Variants in AFF1 observed in about 807,000 individuals in gnomAD.
AFF1 encodes AF4/FMR2 family member 1.
In AFF1, 48 loss-of-function variants were observed where a neutral mutation model predicts 121.7. The observed-to-expected ratio is 0.39, with a 90% CI of 0.31 to 0.50. AFF1 has a LOEUF of 0.50. AFF1 is among the 20% of genes least tolerant of loss of function. AFF1 has a pLI of 0.76. For synonymous variants in AFF1, 613 were observed against 563.0 expected (o/e 1.09, Z -1.26); for missense variants, 1,523 against 1,511.7 (o/e 1.01, Z -0.12).
intron 2 of AFF1, among the ~76,000 whole-genome samples, chr4:86,978,095 T>C (rs1439163845): frequency 6.6e-6 from 1 of 151,006 alleles, no homozygotes; most frequent in Non-Finnish European, 1.5e-5. Flanking sequence ...AGCATAATTA[T>C]TTCAATCAAA....
In AFF1 at chr4:87,036,886, G is replaced by GC. The variant is rs1729624339; in HGVS notation, c.39-9279dup. ...CTTGCTCCATCGCTGAGGCTGGAGT[G>GC]CAGGGTGTGACCTGGGCTCGCTGTA... On this transcript the variant is annotated intron_variant, in intron 2 of 20. Coordinates refer to ENST00000395146, the MANE Select transcript of AFF1 (RefSeq NM_001166693.3). 3.1e-5 allele frequency: 14 copies of GC among 455,724 alleles called. No homozygotes were observed. The Admixed American group carries it at 3.3e-4, about 11-fold the overall frequency. The allele number at this position is 455,724 out of a possible 1,614,324, so 28.2% of individuals were successfully genotyped here.
At chr4:86,968,939 A>G (rs748868803) in intron 2 of AFF1, among the ~76,000 whole-genome samples, 4 of 152,204 alleles carry the variant, frequency 2.6e-5, no homozygotes, top group Non-Finnish European at 4.4e-5. Context: ...AGTGGGCCCC[A>G]GAGTCATCTC....
intron 4 of AFF1, among the ~76,000 whole-genome samples, chr4:87,076,562 T>C (rs1197931169): frequency 6.6e-6 from 1 of 152,252 alleles, no homozygotes; most frequent in African/African-American, 2.4e-5. Flanking sequence ...CTTAATGTAA[T>C]AATACTTTAT....
rs549866000 is a variant in AFF1, at chr4:87,054,746, T to C, written c.1059+7152T>C. The stretch of plus-strand genomic sequence containing the variant: ...CACCTGCACTTCAGAGGCCAAATTT[T>C]AAACCTGAAAAGATCTAAATATAGA... On this transcript the variant is annotated intron_variant, in intron 4 of 20. Transcript: ENST00000395146. Among the ~76,000 whole-genome samples the C allele has an allele frequency of 3.4e-3, 511 of 152,308 alleles. 6 individuals carry two copies. Among genetic ancestry groups the C allele is most frequent in the African/African-American group, 0.012 (488 of 41,564 alleles).
chr4:87,115,859 C>T (rs1727071288), intron 12 of AFF1, among the ~76,000 whole-genome samples: 1 of 152,046 alleles, frequency 6.6e-6, no homozygotes, highest in Non-Finnish European at 1.5e-5. Flanking sequence ...TATCCACCCG[C>T]CTCTGCCTCT....
At chr4:87,046,144 T>C (rs1240196130) in intron 2 of AFF1, 22 bp from the exon 3 acceptor site, 1 of 1,606,352 alleles carries the variant, frequency 6.2e-7, no homozygotes, top group Non-Finnish European at 8.5e-7. Context: ...TTGTTTTCAT[T>C]CTTTTGTGGC....
chr4:87,116,453 G>A (rs1452397797), intron 12 of AFF1, among the ~76,000 whole-genome samples: 1 of 152,112 alleles, frequency 6.6e-6, no homozygotes, highest in Non-Finnish European at 1.5e-5. Flanking sequence ...GTCACAAGAA[G>A]GGCCAACTCT....
At chr4:86,987,583 A>G (rs1466271835) in intron 2 of AFF1, among the ~76,000 whole-genome samples, 1 of 152,236 alleles carries the variant, frequency 6.6e-6, no homozygotes, top group Non-Finnish European at 1.5e-5. Context: ...TGTGGAAACC[A>G]GAAGCAATAA....
At chr4:86,973,704 C>T (rs1488283893) in intron 2 of AFF1, 4 of 152,130 alleles carry the variant, frequency 2.6e-5, no homozygotes, top group South Asian at 2.1e-4. Flanking sequence ...CCAGAGTTAA[C>T]GTTTTCTTTC....
chr4:86,996,202 C>A (rs1385076632), intron 2 of AFF1, among the ~76,000 whole-genome samples: 1 of 152,202 alleles, frequency 6.6e-6, no homozygotes, highest in African/African-American at 2.4e-5. Context: ...CTCTGCCTGG[C>A]CACCACCCCG....
At chr4:87,118,347 T>C (rs1727333624) in intron 12 of AFF1, among the ~76,000 whole-genome samples, 1 of 152,144 alleles carries the variant, frequency 6.6e-6, no homozygotes, top group African/African-American at 2.4e-5. Flanking sequence ...TAAGGAACAA[T>C]GCATGAGGAA....
chr4:87,031,439 GT>G (rs796554313), intron 2 of AFF1, among the ~76,000 whole-genome samples: 2,013 of 140,706 alleles, frequency 0.014, 46 homozygotes, highest in African/African-American at 0.045. Flanking sequence ...CTTAGCATAT[GT>G]TTTTTTTTTT....
intron 5 of AFF1, among the ~76,000 whole-genome samples, chr4:87,089,281 G>C (rs1279144638): frequency 6.6e-6 from 1 of 152,140 alleles, no homozygotes; most frequent in African/African-American, 2.4e-5. Context: ...TTTTCAACAA[G>C]TATTTTTAGA....
intron 2 of AFF1, among the ~76,000 whole-genome samples, chr4:87,037,017 G>A (rs948943276): frequency 1.3e-5 from 2 of 152,152 alleles, no homozygotes; most frequent in Admixed American, 6.6e-5. Flanking sequence ...TCTGCTTTAC[G>A]CAGATGGATC....
intron 1 of AFF1, among the ~76,000 whole-genome samples, chr4:86,945,024 A>G (rs1381002301): frequency 6.6e-6 from 1 of 152,264 alleles, no homozygotes; most frequent in East Asian, 1.9e-4. Context: ...CATTCCTGCC[A>G]TGGAACATTC....
chr4:86,990,158 A>T (rs1724584999), intron 2 of AFF1, among the ~76,000 whole-genome samples: 1 of 105,290 alleles, frequency 9.5e-6, no homozygotes, highest in Non-Finnish European at 2.2e-5. Flanking sequence ...GTATTCCAGA[A>T]CTTAAATTAT....
At chr4:87,058,166 T>C (rs1720348494) in intron 4 of AFF1, among the ~76,000 whole-genome samples, 1 of 152,178 alleles carries the variant, frequency 6.6e-6, no homozygotes, top group Non-Finnish European at 1.5e-5. Context: ...AGTCTCTAAA[T>C]TTAATTTAAG....
chr4:87,097,725 T>TG (rs1199020301), intron 8 of AFF1, among the ~76,000 whole-genome samples: 1 of 151,954 alleles, frequency 6.6e-6, no homozygotes, highest in Non-Finnish European at 1.5e-5. Flanking sequence ...GGTGATTATG[T>TG]GGGGGGTAGA....
At chr4:87,041,657 A>G (rs1459050950) in intron 2 of AFF1, among the ~76,000 whole-genome samples, 3 of 150,668 alleles carry the variant, frequency 2.0e-5, no homozygotes, top group Non-Finnish European at 4.4e-5. Flanking sequence ...TTTCCTTAAC[A>G]CAGGACTGGA....
Sources: gnomAD v4.1 joint callset for allele counts (sites outside exome capture counted in the v4.1 genomes callset) on GRCh38, gnomAD v4.1.1 for gene constraint, MANE v1.5 for transcripts, NCBI Gene and HGNC (gene_info 2026-07-23, HGNC 2026-07-21) for gene names.